REC114: variants seen among roughly 807,000 people sequenced by gnomAD.
REC114 encodes the protein REC114 meiotic recombination protein.
In REC114, 27 loss-of-function variants were observed where a neutral mutation model predicts 31.3. That is an observed-to-expected ratio of 0.86 (90% confidence interval 0.64 to 1.19). The LOEUF (loss-of-function observed/expected upper bound fraction) is 1.19, where lower values mean the gene tolerates loss of function less well. REC114 is among the 50% of genes most tolerant of loss of function. The probability of loss-of-function intolerance (pLI) is 0.00; values close to 1 mark genes in which losing one functional copy is unlikely to be tolerated. For synonymous variants in REC114, 134 were observed against 127.7 expected, an observed-to-expected ratio of 1.05 and a Z score of -0.33; for missense variants, 344 against 326.9, an observed-to-expected ratio of 1.05 and a Z score of -0.40.
At chr15:73,489,614 T>G (rs1893417978) in intron 2 of REC114, among the ~76,000 whole-genome samples, 1 of 151,978 alleles carries the variant, frequency 6.6e-6, no homozygotes, top group African/African-American at 2.4e-5. Context: ...ATTATTAACT[T>G]ATTATGTAAA....
chr15:73,465,122 C>T (rs1893039786), intron 1 of REC114, among the ~76,000 whole-genome samples: 1 of 152,148 alleles, frequency 6.6e-6, no homozygotes, highest in Admixed American at 6.5e-5. Flanking sequence ...AAACTCCTGA[C>T]CTCATGTGAT....
At chr15:73,480,266 A>T (rs1567862412) in intron 2 of REC114, among the ~76,000 whole-genome samples, 1 of 151,588 alleles carries the variant, frequency 6.6e-6, no homozygotes, top group Non-Finnish European at 1.5e-5. Flanking sequence ...TCTTTTGCTA[A>T]TTTTTTTTAT....
intron 1 of REC114, among the ~76,000 whole-genome samples, chr15:73,467,582 A>G (rs1478723248): frequency 1.3e-5 from 2 of 152,204 alleles, no homozygotes; most frequent in Non-Finnish European, 2.9e-5. Flanking sequence ...TCTCCATATT[A>G]TAAGAGGGAT....
chr15:73,496,473 C>G (rs1215227888), intron 2 of REC114, among the ~76,000 whole-genome samples: 1 of 150,368 alleles, frequency 6.7e-6, no homozygotes, highest in East Asian at 2.0e-4. Flanking sequence ...GCCAACATGG[C>G]AAAACCTCAT....
intron 2 of REC114, among the ~76,000 whole-genome samples, chr15:73,496,996 C>G (rs1893538477): frequency 6.6e-6 from 1 of 150,934 alleles, no homozygotes; most frequent in Non-Finnish European, 1.5e-5. Context: ...TGAAGTGTCT[C>G]TGAAAGACAG....
At chr15:73,479,756 A>G (rs572663325) in intron 2 of REC114, among the ~76,000 whole-genome samples, 36 of 152,304 alleles carry the variant, frequency 2.4e-4, no homozygotes, top group African/African-American at 8.4e-4. Context: ...AAATGGTAGG[A>G]TGCCTTCTTT....
rs565168828 is a variant in REC114 at position 73,548,258 on chromosome 15, G to A, written c.334-2680G>A. On this transcript the variant is annotated intron_variant, in intron 3 of 5. Transcript: ENST00000331090. ...CGAATAGCTGGGACTACAGGCATGCGCCACCATGCCCAGCTAATTATTGTA... is the reference window on the plus strand; with the variant it reads ...CGAATAGCTGGGACTACAGGCATGCACCACCATGCCCAGCTAATTATTGTA... Among the ~76,000 whole-genome samples, 59 of 152,228 alleles carry A rather than the reference G, an allele frequency of 3.9e-4. 2 individuals carry two copies. In the South Asian group the frequency reaches 9.3e-3, roughly 24 times the overall value.
At chr15:73,547,481 T>A (rs1178467027) in intron 3 of REC114, among the ~76,000 whole-genome samples, 3 of 152,076 alleles carry the variant, frequency 2.0e-5, no homozygotes, top group Non-Finnish European at 2.9e-5. Flanking sequence ...TGGAGAACAG[T>A]TTGGACGTTC....
At chr15:73,465,799 GA>G (rs541100657) in intron 1 of REC114, among the ~76,000 whole-genome samples, 15 of 151,848 alleles carry the variant, frequency 9.9e-5, no homozygotes, top group African/African-American at 3.6e-4. Context: ...TATAAGGCAG[GA>G]AAAAAAATCC....
At chr15:73,473,400 CAAAAA>C (rs945748563) in intron 1 of REC114, among the ~76,000 whole-genome samples, 11 of 149,550 alleles carry the variant, frequency 7.4e-5, no homozygotes, top group Non-Finnish European at 1.3e-4. Context: ...AAAAAAAAAA[CAAAAA>C]AGAAAAGAAA....
intron 3 of REC114, 126 bp from the exon 4 acceptor site, chr15:73,550,812 G>A (rs2141335428): frequency 1.2e-6 from 1 of 802,390 alleles, no homozygotes; most frequent in Non-Finnish European, 2.0e-6. Context: ...ATCAATAAGT[G>A]AAGATGACTG....
chr15:73,471,147 TGGAGAA>T (rs1276203362), intron 1 of REC114, among the ~76,000 whole-genome samples: 1 of 152,184 alleles, frequency 6.6e-6, no homozygotes, highest in Non-Finnish European at 1.5e-5. Flanking sequence ...AACTCTGTGT[TGGAGAA>T]GGGAAGCAAG....
intron 2 of REC114, among the ~76,000 whole-genome samples, chr15:73,513,046 A>T (rs1893797246): frequency 6.6e-6 from 1 of 150,746 alleles, no homozygotes; most frequent in Non-Finnish European, 1.5e-5. Context: ...GTGTTTTCCA[A>T]CTTGGTTCCA....
chr15:73,488,001 T>C (rs560059180), intron 2 of REC114, among the ~76,000 whole-genome samples: 2 of 152,310 alleles, frequency 1.3e-5, no homozygotes, highest in Admixed American at 1.3e-4. Context: ...TCAAGATTTA[T>C]GTCTTGTGCC....
intron 1 of REC114, among the ~76,000 whole-genome samples, chr15:73,462,278 T>G (rs550314485): frequency 4.6e-5 from 7 of 152,178 alleles, no homozygotes; most frequent in South Asian, 2.1e-4. Context: ...AACATGCCAG[T>G]AGTATAAAGT....
intron 2 of REC114, among the ~76,000 whole-genome samples, chr15:73,513,694 A>G (rs1290670085): frequency 1.8e-4 from 28 of 151,852 alleles, no homozygotes; most frequent in African/African-American, 4.6e-4. Context: ...GTCTGTTGGA[A>G]TACCCTGCCT....
intron 2 of REC114, among the ~76,000 whole-genome samples, chr15:73,486,970 G>T (rs1275380003): frequency 6.6e-6 from 1 of 151,718 alleles, no homozygotes; most frequent in Non-Finnish European, 1.5e-5. Context: ...GCGGTGAGCC[G>T]AGATCGCACC....
chr15:73,531,114 C>G (rs572728839), intron 2 of REC114, among the ~76,000 whole-genome samples: 4 of 152,174 alleles, frequency 2.6e-5, no homozygotes, highest in Non-Finnish European at 5.9e-5. Context: ...GCTAATTTAC[C>G]TAGCTAAATG....
intron 2 of REC114, among the ~76,000 whole-genome samples, chr15:73,527,771 A>G (rs1225843810): frequency 1.3e-5 from 2 of 152,204 alleles, no homozygotes; most frequent in Non-Finnish European, 2.9e-5. Context: ...ACCCATGGAT[A>G]ACATCTACAA....
Sources: gnomAD v4.1 joint callset for allele counts (sites outside exome capture counted in the v4.1 genomes callset) on GRCh38, gnomAD v4.1.1 for gene constraint, MANE v1.5 for transcripts, NCBI Gene and HGNC (gene_info 2026-07-23, HGNC 2026-07-21) for gene names.